ADGRD1: variants seen among roughly 807,000 people sequenced by gnomAD.
ADGRD1 encodes adhesion G protein-coupled receptor D1.
ADGRD1 carries 77 observed loss-of-function variants against 113.4 expected under a neutral mutation model. That is an observed-to-expected ratio of 0.68 (90% CI 0.57 to 0.82). ADGRD1 has a LOEUF of 0.82. Among genes scored for constraint, ADGRD1 ranks in the 40% least tolerant of loss-of-function variants. The pLI, the probability that ADGRD1 is intolerant of heterozygous loss-of-function variation, is 0.00. For missense variants in ADGRD1, 1,036 were observed against 1,139.1 expected, an observed-to-expected ratio of 0.91 and a Z score of 1.30; for synonymous variants, 474 against 475.0, an observed-to-expected ratio of 1.00 and a Z score of 0.03.
At chr12:131,005,492 C>T (rs1291023337) in intron 11 of ADGRD1, among the ~76,000 whole-genome samples, 1 of 152,244 alleles carries the variant, frequency 6.6e-6, no homozygotes, top group Admixed American at 6.5e-5. Context: ...GCTGCTGCCC[C>T]CTTGAAAACC....
intron 11 of ADGRD1, among the ~76,000 whole-genome samples, chr12:131,004,822 C>T (rs754494046): frequency 3.9e-5 from 6 of 152,306 alleles, no homozygotes; most frequent in South Asian, 2.1e-4. Flanking sequence ...CTCAGGGGAC[C>T]CCCTGCCTCT....
At chr12:131,108,632 C>T (rs1328964129) in intron 17 of ADGRD1, 92 bp from the exon 18 acceptor site, 1 of 1,570,938 alleles carries the variant, frequency 6.4e-7, no homozygotes, top group Non-Finnish European at 8.7e-7. Flanking sequence ...CAAAAGACCA[C>T]CCAGGACATG....
At chr12:131,013,709 G>C (rs1169364735) in intron 12 of ADGRD1, among the ~76,000 whole-genome samples, 1 of 152,178 alleles carries the variant, frequency 6.6e-6, no homozygotes, top group African/African-American at 2.4e-5. Context: ...AATGAATACT[G>C]GGTGGGCAAA....
chr12:130,983,577 C>G (rs1873274409), intron 5 of ADGRD1, among the ~76,000 whole-genome samples: 1 of 152,114 alleles, frequency 6.6e-6, no homozygotes, highest in Non-Finnish European at 1.5e-5. Context: ...GCTTTTCCAC[C>G]CAGGGAAAGG....
chr12:131,018,127 C>T (rs912200748), intron 13 of ADGRD1, among the ~76,000 whole-genome samples: 1 of 152,202 alleles, frequency 6.6e-6, no homozygotes, highest in Non-Finnish European at 1.5e-5. Context: ...TTCTCCCTCT[C>T]GTGCACAGAG....
Position 131,003,286 on chromosome 12 carries a change from C to T in ADGRD1, c.1128C>T (p.Gly376=). The T allele has an allele frequency of 6.2e-7, 1 of 1,612,586 alleles. No homozygotes were observed. Among genetic ancestry groups the T allele is most frequent in the Non-Finnish European group, 8.5e-7 (1 of 1,178,774 alleles). Residue 376 remains glycine (G), a synonymous_variant, in exon 10 of 25, where the codon GGC becomes GGT. Transcript: ENST00000261654. This position sits in a 1 kb window ranked among gnomAD's most constrained non-coding sequence, Gnocchi z 4.8. ...GCACGCCCCAGGTCACCGTGGAGGGCTCCTCTGCCATGGCAGGTAGCTGTC... is the reference window on the plus strand; with the variant it reads ...GCACGCCCCAGGTCACCGTGGAGGGTTCCTCTGCCATGGCAGGTAGCTGTC... ...HGSTPQVTVE[G]SSAMAEFSVA...
intron 13 of ADGRD1, among the ~76,000 whole-genome samples, chr12:131,040,801 G>T (rs1158252801): frequency 3.3e-5 from 5 of 152,378 alleles, no homozygotes; most frequent in African/African-American, 1.2e-4. Context: ...CTCGCTCTTG[G>T]ACCGGAGCCT....
chr12:130,969,217 A>T, intron 3 of ADGRD1: 1 of 617,830 alleles, frequency 1.6e-6, no homozygotes. Context: ...AGCAGATCCA[A>T]GGTGTTAAAA....
rs1226213780 is a variant in ADGRD1 at position 130,965,448 on chromosome 12, T to C, written c.104-1015T>C. 1.3e-5 allele frequency among the ~76,000 whole-genome samples: 2 copies of C among 152,212 alleles called. No individual in the cohort carries two copies. Among genetic ancestry groups the C allele is most frequent in the Non-Finnish European group, 2.9e-5 (2 of 68,034 alleles). ...TCTGTCCTTTTCTATGATCTAGCAGTCGCTTGGGGCAGTTGATTATTGTTT... is the reference window on the plus strand; with the variant it reads ...TCTGTCCTTTTCTATGATCTAGCAGCCGCTTGGGGCAGTTGATTATTGTTT... On this transcript the variant is annotated intron_variant, in intron 2 of 24. Coordinates refer to ENST00000261654, the MANE Select transcript of ADGRD1 (RefSeq NM_198827.5). The surrounding 1 kb of genome is among the most constrained non-coding windows in gnomAD (Gnocchi z 4.8).
At chr12:130,983,391 C>T (rs1312876098) in intron 5 of ADGRD1, among the ~76,000 whole-genome samples, 1 of 152,174 alleles carries the variant, frequency 6.6e-6, no homozygotes, top group Non-Finnish European at 1.5e-5. Flanking sequence ...TCTCTGCCTC[C>T]CTCCCCTGAC....
intron 3 of ADGRD1, chr12:130,969,357 G>A (rs1349684772): frequency 2.8e-6 from 1 of 351,864 alleles, no homozygotes; most frequent in East Asian, 6.6e-5. Flanking sequence ...GAAGTGAGTG[G>A]TGGGTGAGTG....
intron 2 of ADGRD1, among the ~76,000 whole-genome samples, chr12:130,955,520 G>A (rs1435638031): frequency 6.6e-6 from 1 of 152,208 alleles, no homozygotes; most frequent in Non-Finnish European, 1.5e-5. Context: ...TAAGAGTGTG[G>A]GCACACGTTC....
intron 13 of ADGRD1, among the ~76,000 whole-genome samples, chr12:131,058,124 T>C (rs2137073389): frequency 2.0e-5 from 3 of 152,358 alleles, no homozygotes; most frequent in East Asian, 3.9e-4. Context: ...ATTTTTTTCA[T>C]GGATTCTGGC....
chr12:131,116,991 TG>T (rs113935896), intron 18 of ADGRD1, among the ~76,000 whole-genome samples: 7 of 152,350 alleles, frequency 4.6e-5, no homozygotes, highest in African/African-American at 1.7e-4. Flanking sequence ...ACAAATTCCG[TG>T]GATGGCTGAG....
Position 130,971,579 on chromosome 12 carries a change from A to C in ADGRD1, c.309A>C (p.Glu103Asp). 1 of 1,605,580 alleles carries C rather than the reference A, an allele frequency of 6.2e-7. No individual in the cohort carries two copies. Residue 103 changes from glutamate (E) to aspartate (D), a missense_variant and splice_region_variant, in exon 4 of 25, where the codon GAA becomes GAC. Coordinates refer to ENST00000261654, the MANE Select transcript of ADGRD1 (RefSeq NM_198827.5). The surrounding 1 kb of genome is among the most constrained non-coding windows in gnomAD (Gnocchi z 4.2). Reference sequence around the variant, plus strand: ...GCAAGCCAGAGCAGTGTGGCCCTGAAGGTGAGTGGCTGATCCCTGCGGCAT... The same window carrying C: ...GCAAGCCAGAGCAGTGTGGCCCTGACGGTGAGTGGCTGATCCCTGCGGCAT... ...CISKPEQCGPEGVTFSFFWKT... is the reference protein window; with the variant it reads ...CISKPEQCGPDGVTFSFFWKT...
At chr12:131,017,291 C>T (rs1392530965) in intron 13 of ADGRD1, among the ~76,000 whole-genome samples, 2 of 149,682 alleles carry the variant, frequency 1.3e-5, no homozygotes, top group African/African-American at 2.5e-5. Context: ...ACCCAGTGCA[C>T]ACAGTCCACA....
chr12:131,097,050 G>C (rs1887336718), intron 15 of ADGRD1, among the ~76,000 whole-genome samples: 1 of 152,186 alleles, frequency 6.6e-6, no homozygotes, highest in African/African-American at 2.4e-5. Flanking sequence ...TTCCACGGGG[G>C]GATTTGTGGC....
chr12:131,084,180 C>T lies in ADGRD1; in HGVS notation c.1548-360C>T, dbSNP rs188421621. Among the ~76,000 whole-genome samples, 60 of 152,298 alleles carry T rather than the reference C, an allele frequency of 3.9e-4. No individual in the cohort carries two copies. The highest frequency in any genetic ancestry group is 7.3e-4 in the Non-Finnish European group (50 of 68,032). On this transcript the variant is annotated intron_variant, in intron 14 of 24. Transcript: ENST00000261654. This position sits in a 1 kb window ranked among gnomAD's most constrained non-coding sequence, Gnocchi z 4.5. ...CTTGAATGTGGTCCCTGGCGTGTGC[C>T]GCTGCCCGTTCTCTAGGCGCAGGGC...
At chr12:131,045,952 CCCTCCCTGGTCAGTGT>C (rs1013970907) in intron 13 of ADGRD1, among the ~76,000 whole-genome samples, 2 of 151,706 alleles carry the variant, frequency 1.3e-5, no homozygotes, top group Admixed American at 1.3e-4. Context: ...GGTTGGTGCT[CCCTCCCTGGTCAGTGT>C]CCTCCCTGGG....
Sources: gnomAD v4.1 joint callset for allele counts (sites outside exome capture counted in the v4.1 genomes callset) on GRCh38, gnomAD v4.1.1 for gene constraint, Gnocchi (gnomAD v3.1) non-coding constraint, MANE v1.5 for transcripts, NCBI Gene and HGNC (gene_info 2026-07-23, HGNC 2026-07-21) for gene names.